SPAST: variants seen among roughly 807,000 people sequenced by gnomAD.
SPAST encodes spastic paraplegia 4 (autosomal dominant; spastin).
SPAST carries 30 observed loss-of-function variants against 76.6 expected under a neutral mutation model. The ratio of observed to expected loss-of-function variants is 0.39; its 90% CI spans 0.29 to 0.53. The LOEUF is 0.53. Among genes scored for constraint, SPAST ranks in the 20% least tolerant of loss-of-function variants. The pLI is 0.68. For missense variants in SPAST, 717 were observed against 770.5 expected (o/e 0.93, Z 0.82); for synonymous variants, 305 against 281.0 (o/e 1.09, Z -0.86).
At chr2:32,069,551 C>CTTTTTTTTTTTTTT (rs36023742) in intron 1 of SPAST, among the ~76,000 whole-genome samples, 1 of 139,630 alleles carries the variant, frequency 7.2e-6, no homozygotes, top group Non-Finnish European at 1.5e-5. Flanking sequence ...CATGACTTAT[C>CTTTTTTTTTTTTTT]TTTTTTTTTT....
intron 4 of SPAST, among the ~76,000 whole-genome samples, chr2:32,100,218 G>C (rs771934728): frequency 6.6e-6 from 1 of 151,736 alleles, no homozygotes; most frequent in Non-Finnish European, 1.5e-5. Flanking sequence ...ACTGGGGTAA[G>C]ATACCTTGTT....
At chr2:32,089,076 C>T (rs1206278798) in intron 2 of SPAST, among the ~76,000 whole-genome samples, 1 of 151,816 alleles carries the variant, frequency 6.6e-6, no homozygotes, top group Non-Finnish European at 1.5e-5. Context: ...TATATGTATT[C>T]TTTGAGACAG....
chr2:32,110,800 A>G (rs964427531), intron 4 of SPAST, among the ~76,000 whole-genome samples: 2 of 140,418 alleles, frequency 1.4e-5, no homozygotes, highest in Admixed American at 7.4e-5. Flanking sequence ...TATAGTATAC[A>G]TAGTATACTA....
chr2:32,090,639 A>G (rs1302734063), intron 3 of SPAST, among the ~76,000 whole-genome samples: 2 of 152,222 alleles, frequency 1.3e-5, no homozygotes, highest in African/African-American at 4.8e-5. Context: ...GATCTTAAAA[A>G]GATCCGTATG....
chr2:32,133,946 A>G (rs1383856260), intron 9 of SPAST, among the ~76,000 whole-genome samples: 1 of 152,222 alleles, frequency 6.6e-6, no homozygotes, highest in Non-Finnish European at 1.5e-5. Context: ...TCAATATTCT[A>G]AAGTAGTTAA....
At chr2:32,071,285 C>G (rs577144780) in intron 1 of SPAST, among the ~76,000 whole-genome samples, 1 of 152,148 alleles carries the variant, frequency 6.6e-6, no homozygotes, top group East Asian at 1.9e-4. Context: ...GATCAGGCAT[C>G]GAAGACAGAA....
intron 1 of SPAST, among the ~76,000 whole-genome samples, chr2:32,078,830 A>T (rs989629132): frequency 2.6e-5 from 4 of 152,136 alleles, no homozygotes; most frequent in African/African-American, 7.2e-5. Context: ...ATATTTTGGA[A>T]TTTTTTTCAT....
At position 32,113,135 on chromosome 2, in the gene SPAST, A is replaced by AT. The variant is rs1013180163; in HGVS notation, c.683-1493dup. On this transcript the variant is annotated intron_variant, in intron 4 of 16. Coordinates refer to ENST00000315285, the MANE Select transcript of SPAST (RefSeq NM_014946.4). Reference sequence around the variant, plus strand: ...TCAATTAAAATTGATTATTATTATTATTTTTTTTTTGAGACAGAGTCCCTC... The same window carrying AT: ...TCAATTAAAATTGATTATTATTATTATTTTTTTTTTTGAGACAGAGTCCCTC... Among the ~76,000 whole-genome samples, 291 of 150,198 alleles carry AT rather than the reference A, an allele frequency of 1.9e-3. 2 individuals carry two copies. The highest frequency in any genetic ancestry group is 0.013 in the East Asian group (66 of 5,134).
At chr2:32,106,045 C>G (rs1045985752) in intron 4 of SPAST, among the ~76,000 whole-genome samples, 1 of 152,128 alleles carries the variant, frequency 6.6e-6, no homozygotes, top group African/African-American at 2.4e-5. Context: ...TTCAGCTATC[C>G]CATGTCCCCA....
intron 16 of SPAST, among the ~76,000 whole-genome samples, chr2:32,147,527 G>T (rs1679932931): frequency 6.6e-6 from 1 of 151,990 alleles, no homozygotes; most frequent in Non-Finnish European, 1.5e-5. Flanking sequence ...ATGTTGGCCA[G>T]TCTGGCCTCA....
At chr2:32,079,332 A>G (rs1423220451) in intron 1 of SPAST, among the ~76,000 whole-genome samples, 1 of 151,716 alleles carries the variant, frequency 6.6e-6, no homozygotes, top group African/African-American at 2.4e-5. Context: ...CCTGGGCAAT[A>G]TAGTGAGAGA....
At position 32,064,145 on chromosome 2, in the gene SPAST, C is replaced by G. The variant is rs1162709481; in HGVS notation, c.314C>G (p.Pro105Arg). The G allele has an allele frequency of 3.8e-6, 6 of 1,563,312 alleles. No individual in the cohort carries two copies. Among genetic ancestry groups the G allele is most frequent in the Non-Finnish European group, 4.3e-6 (5 of 1,154,698 alleles). The stretch of plus-strand genomic sequence containing the variant: ...CCAGCACCTGCCTCGGCCTCGGCCC[C>G]GGCGCCGGTGCCGGGCGGCGAGGCC... Reference protein sequence around the residue: ...AAPAPASASAPAPVPGGEAER... With the variant: ...AAPAPASASARAPVPGGEAER... The change falls in exon 1 of 17, where the codon CCG becomes CGG. Residue 105 changes from proline (P) to arginine (R), a missense_variant. Pro to Arg is a moderately radical substitution (Grantham distance 103). Transcript: ENST00000315285.
In SPAST at chr2:32,143,448, TTTTA is replaced by T. The variant is rs755310703; in HGVS notation, c.1616+41_1616+44del. ...ATTTGGATTTGGTTTATCTTACAGC[TTTTA>T]TTTATTTTTTGTAAATAATTCTTTT... On this transcript the variant is annotated intron_variant, in intron 14 of 16. Transcript: ENST00000315285. The T allele has an allele frequency of 9.4e-5, 115 of 1,229,186 alleles. No individual in the cohort carries two copies. The African/African-American group carries it at 1.4e-3, about 15-fold the overall frequency. The allele number at this position is 1,229,186 out of a possible 1,614,324, so 76.1% of individuals were successfully genotyped here. A position where few individuals can be genotyped will look rare whatever the true frequency, so the allele number is the denominator to read the frequency against.
At chr2:32,086,868 G>A (rs1037665285) in intron 1 of SPAST, among the ~76,000 whole-genome samples, 8 of 152,048 alleles carry the variant, frequency 5.3e-5, no homozygotes, top group Non-Finnish European at 2.9e-5. Context: ...TGAGTATAAC[G>A]ATCACTTTAC....
At chr2:32,079,128 A>G (rs532986282) in intron 1 of SPAST, among the ~76,000 whole-genome samples, 53 of 152,304 alleles carry the variant, frequency 3.5e-4, no homozygotes, top group South Asian at 8.3e-4. Flanking sequence ...GGTGTGAACC[A>G]CCATGCTCCA....
intron 7 of SPAST, among the ~76,000 whole-genome samples, chr2:32,117,021 G>GA (rs1411900492): frequency 6.6e-6 from 1 of 151,932 alleles, no homozygotes; most frequent in East Asian, 2.0e-4. Context: ...AGCACTTTGG[G>GA]AGGCTGAGGC....
chr2:32,091,642 C>T (rs1184975948), intron 3 of SPAST, among the ~76,000 whole-genome samples: 1 of 149,600 alleles, frequency 6.7e-6, no homozygotes, highest in African/African-American at 2.4e-5. Context: ...ACCATCCTGG[C>T]TAACACGGTG....
intron 16 of SPAST, among the ~76,000 whole-genome samples, chr2:32,148,715 G>A (rs528512866): frequency 6.6e-6 from 1 of 151,950 alleles, no homozygotes. Context: ...GGAGGCTGAG[G>A]CAGGAGAATG....
chr2:32,149,228 T>A (rs1679995441), intron 16 of SPAST, among the ~76,000 whole-genome samples: 1 of 149,378 alleles, frequency 6.7e-6, no homozygotes, highest in Non-Finnish European at 1.5e-5. Flanking sequence ...TAGCTGAGAT[T>A]ACAGGCATGG....
Sources: allele counts gnomAD v4.1 joint callset (sites outside exome capture counted in the v4.1 genomes callset), GRCh38; gene constraint gnomAD v4.1.1; transcripts MANE v1.5; gene names NCBI Gene and HGNC (gene_info 2026-07-23, HGNC 2026-07-21).